Variants in FER observed in about 807,000 individuals in gnomAD.
FER encodes tyrosine-protein kinase Fer.
FER carries 63 observed loss-of-function variants against 111.0 expected under a neutral mutation model. The ratio of observed to expected loss-of-function variants is 0.57; its 90% CI spans 0.46 to 0.70. The LOEUF (loss-of-function observed/expected upper bound fraction) is 0.70, where lower values mean the gene tolerates loss of function less well. Ranked by LOEUF, FER falls within the 30% of genes least tolerant of loss-of-function variation. FER has a pLI of 0.00. For synonymous variants in FER, 327 were observed against 313.9 expected, an observed-to-expected ratio of 1.04 and a Z score of -0.44; for missense variants, 914 against 954.0, an observed-to-expected ratio of 0.96 and a Z score of 0.55.
chr5:108,978,358 G>T (rs1226536755), intron 13 of FER, among the ~76,000 whole-genome samples: 1 of 152,094 alleles, frequency 6.6e-6, no homozygotes, highest in Non-Finnish European at 1.5e-5. Context: ...GTCTGAAGCT[G>T]CAATTTACCA....
rs746184286 is a variant in FER, at chr5:109,058,724, C to CTTTTTTTTTTTTTTTTTTTTTTTTTTTT, written c.1924+11552_1924+11553insTTTTTTTTTTTTTTTTTTTTTTTTTTTT. 3.1e-4 allele frequency among the ~76,000 whole-genome samples: 24 copies of CTTTTTTTTTTTTTTTTTTTTTTTTTTTT among 76,252 alleles called. 1 individual carries two copies. The highest frequency in any genetic ancestry group is 4.1e-4 in the Non-Finnish European group (17 of 41,310). The allele number at this position is 76,252 out of a possible 152,430, so 50.0% of individuals were successfully genotyped here. On this transcript the variant is annotated intron_variant, in intron 16 of 19. Coordinates refer to ENST00000281092, the MANE Select transcript of FER (RefSeq NM_005246.4). Reference sequence around the variant, plus strand: ...TCTTTTTCTTTTTCTTTCTTTCTTTCTTTTTTTTTTTTTTTTTTTTTTTTT... The same window carrying CTTTTTTTTTTTTTTTTTTTTTTTTTTTT: ...TCTTTTTCTTTTTCTTTCTTTCTTTCTTTTTTTTTTTTTTTTTTTTTTTTTTTTTTTTTTTTTTTTTTTTTTTTTTTTT...
Position 109,051,501 on chromosome 5 carries a change from C to G in FER, c.1924+4303C>G, listed in dbSNP as rs1041687761. 1.9e-6 allele frequency: 3 copies of G among 1,609,932 alleles called. No individual in the cohort carries two copies. In the East Asian group the frequency reaches 6.7e-5, roughly 36 times the overall value. Reference sequence around the variant, plus strand: ...TAGAGATGGTGCTTCCCGCCTGCCCCATTCGATTTTGTTCTGCACTGTAAT... The same window carrying G: ...TAGAGATGGTGCTTCCCGCCTGCCCGATTCGATTTTGTTCTGCACTGTAAT... On this transcript the variant is annotated intron_variant, in intron 16 of 19. Transcript: ENST00000281092.
intron 12 of FER, among the ~76,000 whole-genome samples, chr5:108,956,275 C>T (rs72789311): frequency 1.2e-4 from 18 of 151,654 alleles, no homozygotes; most frequent in South Asian, 2.1e-4. Flanking sequence ...ATATTTATTA[C>T]GTGGTATGAG....
intron 1 of FER, among the ~76,000 whole-genome samples, chr5:108,766,872 G>A (rs191202909): frequency 2.0e-5 from 3 of 152,278 alleles, no homozygotes; most frequent in Admixed American, 2.0e-4. Flanking sequence ...CGTTGTAACA[G>A]GGCTGTAAAC....
intron 17 of FER, among the ~76,000 whole-genome samples, chr5:109,174,344 G>T (rs1757460888): frequency 6.6e-6 from 1 of 152,178 alleles, no homozygotes; most frequent in Non-Finnish European, 1.5e-5. Context: ...TGCAGAAGAA[G>T]CTGGCTAGCC....
At chr5:108,940,640 G>A (rs1015000782) in intron 10 of FER, among the ~76,000 whole-genome samples, 1 of 152,070 alleles carries the variant, frequency 6.6e-6, no homozygotes, top group African/African-American at 2.4e-5. Context: ...GTAGGCCGAT[G>A]TGAAAGATTA....
intron 2 of FER, among the ~76,000 whole-genome samples, chr5:108,779,403 T>C (rs891334520): frequency 1.3e-5 from 2 of 152,222 alleles, no homozygotes; most frequent in African/African-American, 4.8e-5. Context: ...TTTGACAATA[T>C]TGACTCTTCT....
chr5:108,810,639 A>G (rs1160087048), intron 3 of FER, among the ~76,000 whole-genome samples: 2 of 152,204 alleles, frequency 1.3e-5, no homozygotes, highest in African/African-American at 4.8e-5. Flanking sequence ...CTGCAGCACC[A>G]CAGTCTCTGC....
At chr5:109,135,797 TTC>T (rs530238709) in intron 17 of FER, among the ~76,000 whole-genome samples, 262 of 152,324 alleles carry the variant, frequency 1.7e-3, no homozygotes, top group South Asian at 3.7e-3. Flanking sequence ...TGGCTGACAC[TTC>T]TCTGTTTCTG....
chr5:109,161,606 G>GTA (rs1179908678), intron 17 of FER, among the ~76,000 whole-genome samples: 2 of 152,084 alleles, frequency 1.3e-5, no homozygotes, highest in Non-Finnish European at 2.9e-5. Flanking sequence ...ATTCCATGAT[G>GTA]TATATGTACC....
intron 3 of FER, among the ~76,000 whole-genome samples, chr5:108,824,506 C>T (rs999063519): frequency 1.1e-4 from 16 of 151,880 alleles, no homozygotes; most frequent in Admixed American, 1.1e-3. Context: ...GTGCAAAGAC[C>T]TTTCACTTCC....
intron 18 of FER, among the ~76,000 whole-genome samples, chr5:109,183,350 G>A (rs370721518): frequency 6.8e-6 from 1 of 147,644 alleles, no homozygotes; most frequent in African/African-American, 2.5e-5. Context: ...CTGGGTTCAA[G>A]CAATTCTCCT....
At chr5:108,976,148 A>C (rs760342779) in intron 13 of FER, among the ~76,000 whole-genome samples, 5 of 152,182 alleles carry the variant, frequency 3.3e-5, no homozygotes, top group African/African-American at 1.2e-4. Context: ...CAGGGATGGC[A>C]GAAGAGGAGG....
At chr5:108,952,294 G>A (rs1757861254) in intron 11 of FER, among the ~76,000 whole-genome samples, 1 of 152,014 alleles carries the variant, frequency 6.6e-6, no homozygotes, top group Non-Finnish European at 1.5e-5. Context: ...GTGGGCTCTT[G>A]GGATGTTACA....
At chr5:108,787,236 A>T (rs1040809056) in intron 2 of FER, among the ~76,000 whole-genome samples, 3 of 152,174 alleles carry the variant, frequency 2.0e-5, no homozygotes, top group Admixed American at 1.3e-4. Flanking sequence ...CCGGCCAGGT[A>T]TGTGCATGCT....
intron 16 of FER, among the ~76,000 whole-genome samples, chr5:109,059,324 A>G (rs1180383039): frequency 6.6e-6 from 1 of 151,704 alleles, no homozygotes; most frequent in Non-Finnish European, 1.5e-5. Flanking sequence ...ATTTCTCAAG[A>G]CCATCCTGGC....
At chr5:108,842,710 C>T (rs1232050924) in intron 5 of FER, 1 of 152,036 alleles carries the variant, frequency 6.6e-6, no homozygotes, top group African/African-American at 2.4e-5. Flanking sequence ...CTTACTCCTG[C>T]AAGAATGGCC....
chr5:109,055,233 A>T (rs193033221), intron 16 of FER, among the ~76,000 whole-genome samples: 1 of 152,246 alleles, frequency 6.6e-6, no homozygotes, highest in Non-Finnish European at 1.5e-5. Flanking sequence ...ATGGGGGAAA[A>T]CTCTGGGACA....
chr5:109,094,245 TA>T (rs940229869), intron 16 of FER, among the ~76,000 whole-genome samples: 1 of 151,706 alleles, frequency 6.6e-6, no homozygotes, highest in African/African-American at 2.4e-5. Flanking sequence ...GAGTGAAAAG[TA>T]AAATATTGGT....
Sources: gnomAD v4.1 joint callset for allele counts (sites outside exome capture counted in the v4.1 genomes callset) on GRCh38, gnomAD v4.1.1 for gene constraint, MANE v1.5 for transcripts, NCBI Gene and HGNC (gene_info 2026-07-23, HGNC 2026-07-21) for gene names.